PRTFDC1: variants seen among roughly 807,000 people sequenced by gnomAD.
PRTFDC1 encodes the protein phosphoribosyl transferase domain containing 1, also known as phosphoribosyltransferase domain-containing protein 1.
PRTFDC1 carries 38 observed loss-of-function variants against 34.6 expected under a neutral mutation model. That is an observed-to-expected ratio of 1.10 (90% CI 0.85 to 1.44). The LOEUF (loss-of-function observed/expected upper bound fraction) is 1.44. Ranked by LOEUF, PRTFDC1 falls within the 40% of genes most tolerant of loss-of-function variation. The pLI, the probability that PRTFDC1 is intolerant of heterozygous loss-of-function variation, is 0.00. For synonymous variants in PRTFDC1, 93 were observed against 98.1 expected, an observed-to-expected ratio of 0.95 and a Z score of 0.31; for missense variants, 270 against 283.0, an observed-to-expected ratio of 0.95 and a Z score of 0.33.
intron 3 of PRTFDC1, among the ~76,000 whole-genome samples, chr10:24,894,329 CAA>C (rs199529794): frequency 3.8e-4 from 38 of 98,758 alleles, no homozygotes; most frequent in Non-Finnish European, 4.3e-4. Context: ...GACTCAATCT[CAA>C]AAAAAAAAAA....
intron 4 of PRTFDC1, among the ~76,000 whole-genome samples, chr10:24,869,884 C>T (rs986680715): frequency 1.3e-5 from 2 of 152,156 alleles, no homozygotes; most frequent in Admixed American, 1.3e-4. Context: ...TCCTCTCTTA[C>T]CCCAAACTAA....
intron 2 of PRTFDC1, among the ~76,000 whole-genome samples, chr10:24,937,911 T>C (rs1054109359): frequency 6.6e-6 from 1 of 151,872 alleles, no homozygotes; most frequent in Non-Finnish European, 1.5e-5. Flanking sequence ...TACATCAGAA[T>C]ATCTGGCATG....
intron 3 of PRTFDC1, among the ~76,000 whole-genome samples, chr10:24,901,705 G>T (rs1364192999): frequency 6.6e-6 from 1 of 152,110 alleles, no homozygotes; most frequent in Non-Finnish European, 1.5e-5. Flanking sequence ...CTCCATCCTG[G>T]GTGACAAAGA....
chr10:24,916,321 T>C (rs1733407576), intron 3 of PRTFDC1, among the ~76,000 whole-genome samples: 1 of 152,196 alleles, frequency 6.6e-6, no homozygotes, highest in Non-Finnish European at 1.5e-5. Flanking sequence ...CCTTTCATTC[T>C]ATTCTCAGCA....
chr10:24,938,191 A>G lies in PRTFDC1; in HGVS notation c.156-824T>C, dbSNP rs1849085697. Among the ~76,000 whole-genome samples the G allele has an allele frequency of 2.0e-5, 3 of 151,806 alleles. No homozygotes were observed. In the South Asian group the frequency reaches 6.3e-4, roughly 32 times the overall value. On this transcript the variant is annotated intron_variant, in intron 2 of 8. Transcript: ENST00000320152. ...CAATGATCTGAGATTGCACCACTGT[A>G]CTACTCCAGCCTGCGCGACAGAGCA...
intron 3 of PRTFDC1, among the ~76,000 whole-genome samples, chr10:24,925,886 T>C (rs1296523794): frequency 2.0e-5 from 3 of 152,254 alleles, no homozygotes; most frequent in Non-Finnish European, 2.9e-5. Context: ...TGGAGTCTGA[T>C]GCCCAGCAAC....
At chr10:24,884,616 G>C (rs1848133305) in intron 3 of PRTFDC1, among the ~76,000 whole-genome samples, 1 of 152,190 alleles carries the variant, frequency 6.6e-6, no homozygotes, top group African/African-American at 2.4e-5. Flanking sequence ...TTATGAAGAA[G>C]ATTTTCTTTA....
intron 1 of PRTFDC1, among the ~76,000 whole-genome samples, chr10:24,948,287 AAAAC>A (rs1391392934): frequency 2.0e-5 from 3 of 152,254 alleles, no homozygotes; most frequent in South Asian, 4.2e-4. Context: ...AAACCAGACA[AAAAC>A]AAACAAACAA....
intron 4 of PRTFDC1, among the ~76,000 whole-genome samples, chr10:24,870,619 T>C (rs887131198): frequency 3.9e-5 from 6 of 152,224 alleles, no homozygotes; most frequent in Non-Finnish European, 7.3e-5. Context: ...ACTTTGAGTA[T>C]TTTAGCTTTC....
intron 3 of PRTFDC1, among the ~76,000 whole-genome samples, chr10:24,881,190 C>G (rs945466790): frequency 1.3e-5 from 2 of 151,802 alleles, no homozygotes; most frequent in East Asian, 1.9e-4. Context: ...CTTCAGCCCC[C>G]CAAGTAGCTG....
intron 3 of PRTFDC1, among the ~76,000 whole-genome samples, chr10:24,928,452 T>C (rs1458416704): frequency 6.6e-6 from 1 of 152,080 alleles, no homozygotes; most frequent in African/African-American, 2.4e-5. Flanking sequence ...TCTTTTTCTT[T>C]TTTTCTCTTA....
chr10:24,869,109 C>T (rs904136480), intron 4 of PRTFDC1, among the ~76,000 whole-genome samples: 6 of 152,124 alleles, frequency 3.9e-5, no homozygotes, highest in African/African-American at 9.7e-5. Flanking sequence ...CTCTACATTG[C>T]CATTGAATAG....
intron 3 of PRTFDC1, among the ~76,000 whole-genome samples, chr10:24,922,903 T>C (rs1340581874): frequency 6.6e-6 from 1 of 152,238 alleles, no homozygotes; most frequent in East Asian, 1.9e-4. Context: ...AGGGAAGCTG[T>C]GACAGACTGT....
chr10:24,861,477 G>T (rs1490835583), intron 4 of PRTFDC1, among the ~76,000 whole-genome samples: 2 of 151,972 alleles, frequency 1.3e-5, no homozygotes, highest in Non-Finnish European at 2.9e-5. Flanking sequence ...TCCAGCCTGG[G>T]CAACAGAGTA....
chr10:24,877,004 A>G (rs371719752), intron 3 of PRTFDC1, among the ~76,000 whole-genome samples: 31 of 152,108 alleles, frequency 2.0e-4, no homozygotes, highest in African/African-American at 7.5e-4. Flanking sequence ...AAGGCTTTCA[A>G]CCAACCTTGT....
chr10:24,903,000 T>C (rs1848472445), intron 3 of PRTFDC1, among the ~76,000 whole-genome samples: 1 of 152,060 alleles, frequency 6.6e-6, no homozygotes, highest in Admixed American at 6.6e-5. Flanking sequence ...AGTTCGAGAC[T>C]AGCCTGGCCA....
chr10:24,900,197 A>G (rs932000895), intron 3 of PRTFDC1, among the ~76,000 whole-genome samples: 2 of 152,224 alleles, frequency 1.3e-5, no homozygotes, highest in Non-Finnish European at 2.9e-5. Context: ...GGAGAACTTA[A>G]GTAACTTTGC....
At chr10:24,910,852 A>G (rs529626131) in intron 3 of PRTFDC1, among the ~76,000 whole-genome samples, 66 of 152,036 alleles carry the variant, frequency 4.3e-4, no homozygotes, top group African/African-American at 1.5e-3. Context: ...CCTGATCTCC[A>G]TCTTCCTGCT....
Position 24,936,253 on chromosome 10 carries a change from A to G in PRTFDC1, c.339+931T>C, listed in dbSNP as rs111806882. Among the ~76,000 whole-genome samples, 1,489 of 152,192 alleles carry G rather than the reference A, an allele frequency of 9.8e-3. 31 individuals carry two copies. The highest frequency in any genetic ancestry group is 0.034 in the African/African-American group (1,430 of 41,524). On this transcript the variant is annotated intron_variant, in intron 3 of 8. Transcript: ENST00000320152. Reference sequence around the variant, plus strand: ...AAAAAGCATCAAAGAAGTTAACATCATAGAGGGAGGAGGAGGGAGACTAAG... The same window carrying G: ...AAAAAGCATCAAAGAAGTTAACATCGTAGAGGGAGGAGGAGGGAGACTAAG...
Sources: allele counts gnomAD v4.1 joint callset (sites outside exome capture counted in the v4.1 genomes callset), GRCh38; gene constraint gnomAD v4.1.1; transcripts MANE v1.5; gene names NCBI Gene and HGNC (gene_info 2026-07-23, HGNC 2026-07-21).